Variants in ARHGAP12 observed in about 807,000 individuals in gnomAD.
The protein encoded by ARHGAP12 is rho GTPase-activating protein 12.
ARHGAP12 carries 64 observed loss-of-function variants against 108.6 expected under a neutral mutation model. The observed-to-expected ratio is 0.59, with a 90% CI of 0.48 to 0.73. ARHGAP12 has a LOEUF of 0.73. ARHGAP12 is among the 30% of genes least tolerant of loss of function. The probability of loss-of-function intolerance (pLI) is 0.00; values close to 1 mark genes in which losing one functional copy is unlikely to be tolerated. For synonymous variants in ARHGAP12, 312 were observed against 337.2 expected (o/e 0.93, Z 0.82); for missense variants, 940 against 1,005.9 (o/e 0.93, Z 0.89).
chr10:31,892,757 T>C (rs1056418067), intron 3 of ARHGAP12, among the ~76,000 whole-genome samples: 3 of 152,226 alleles, frequency 2.0e-5, no homozygotes, highest in Non-Finnish European at 2.9e-5. Context: ...GCAGATCTAA[T>C]AGACATCTAC....
chr10:31,910,228 T>C (rs1839289112), intron 2 of ARHGAP12, among the ~76,000 whole-genome samples: 2 of 152,168 alleles, frequency 1.3e-5, no homozygotes, highest in South Asian at 4.1e-4. Flanking sequence ...TTCAACCCAA[T>C]GCTCAAGGAT....
intron 3 of ARHGAP12, among the ~76,000 whole-genome samples, chr10:31,902,130 G>A (rs192550447): frequency 1.4e-4 from 21 of 152,100 alleles, no homozygotes; most frequent in Admixed American, 8.5e-4. Context: ...ATCTGATTTC[G>A]ATACTTATTG....
At chr10:31,915,541 G>T (rs1336526935) in intron 1 of ARHGAP12, among the ~76,000 whole-genome samples, 13 of 152,172 alleles carry the variant, frequency 8.5e-5, no homozygotes, top group Non-Finnish European at 2.9e-5. Flanking sequence ...GGTGACTACA[G>T]TAAATGACAA....
intron 1 of ARHGAP12, among the ~76,000 whole-genome samples, chr10:31,921,780 A>G (rs906612106): frequency 1.3e-5 from 2 of 150,114 alleles, no homozygotes; most frequent in African/African-American, 4.9e-5. Flanking sequence ...AAAAAAAAAA[A>G]AAAAAAAAAA....
At chr10:31,841,709 T>C (rs1836275994) in intron 7 of ARHGAP12, among the ~76,000 whole-genome samples, 1 of 152,162 alleles carries the variant, frequency 6.6e-6, no homozygotes, top group Non-Finnish European at 1.5e-5. Flanking sequence ...TTTCACCTTG[T>C]GGTATTTTCA....
intron 3 of ARHGAP12, among the ~76,000 whole-genome samples, chr10:31,879,230 A>T (rs746497571): frequency 1.3e-5 from 2 of 152,020 alleles, no homozygotes; most frequent in South Asian, 4.1e-4. Context: ...GGGCAACATG[A>T]TGAAACCCCA....
intron 3 of ARHGAP12, among the ~76,000 whole-genome samples, chr10:31,886,868 A>T (rs1287355543): frequency 6.6e-6 from 1 of 152,232 alleles, no homozygotes; most frequent in Non-Finnish European, 1.5e-5. Flanking sequence ...CACGAACACA[A>T]GAACTAAGCT....
At chr10:31,852,457 T>C (rs1001920604) in intron 6 of ARHGAP12, 60 bp downstream of exon 6, 18 of 1,247,562 alleles carry the variant, frequency 1.4e-5, no homozygotes, top group South Asian at 8.6e-5. Flanking sequence ...GCTGAAACCA[T>C]CTCCAGATAT....
chr10:31,826,685 A>G (rs945949097), intron 10 of ARHGAP12: 3 of 258,670 alleles, frequency 1.2e-5, no homozygotes, highest in East Asian at 7.1e-5. Context: ...TTGTGATCAA[A>G]GACACTAATT....
intron 6 of ARHGAP12, among the ~76,000 whole-genome samples, chr10:31,851,679 T>A (rs1419673237): frequency 6.6e-6 from 1 of 152,236 alleles, no homozygotes; most frequent in Non-Finnish European, 1.5e-5. Context: ...AAAGCACTAT[T>A]AACATTAGTT....
In ARHGAP12 at chr10:31,826,496, T is replaced by C. The variant is rs1017111846; in HGVS notation, c.1449-111A>G. ...TCAATGTTATCTACAATTTACAGCC[T>C]TGTTGACATTTTAATTGTTTTTATT... On this transcript the variant is annotated intron_variant, in intron 10 of 19. Transcript: ENST00000344936. 4.2e-5 allele frequency: 32 copies of C among 759,144 alleles called. No individual in the cohort carries two copies. In the African/African-American group the frequency reaches 5.4e-4, roughly 13 times the overall value. The allele number at this position is 759,144 out of a possible 1,614,324, so 47.0% of individuals were successfully genotyped here. A position where few individuals can be genotyped will look rare whatever the true frequency, so the allele number is the denominator to read the frequency against.
intron 14 of ARHGAP12, 108 bp downstream of exon 14, chr10:31,814,151 T>C (rs1835116589): frequency 1.2e-6 from 1 of 863,762 alleles, no homozygotes; most frequent in Non-Finnish European, 1.9e-6. Flanking sequence ...GCACAGCCCT[T>C]TTGTAACATT....
rs994193938 is a variant in ARHGAP12, at chr10:31,814,463, C to A, written c.1732-102G>T. 15 of 950,346 alleles carry A rather than the reference C, an allele frequency of 1.6e-5. No individual in the cohort carries two copies. The African/African-American group carries it at 2.0e-4, about 13-fold the overall frequency. 58.9% of individuals were successfully genotyped at this position (950,346 alleles called of 1,614,324 possible). A position where few individuals can be genotyped will look rare whatever the true frequency, so the allele number is the denominator to read the frequency against. ...GACTATTGTAAATGACTCTTCCAAA[C>A]AATTTTAGGAAACCAATTAGTATAC... On this transcript the variant is annotated intron_variant, in intron 13 of 19. Coordinates refer to ENST00000344936, the MANE Select transcript of ARHGAP12 (RefSeq NM_018287.7).
intron 1 of ARHGAP12, among the ~76,000 whole-genome samples, chr10:31,915,817 T>C (rs1024583958): frequency 2.7e-4 from 41 of 152,128 alleles, no homozygotes; most frequent in African/African-American, 9.4e-4. Context: ...AAAAATCAGA[T>C]AAATTCTCTG....
chr10:31,918,015 G>A (rs1839633913), intron 1 of ARHGAP12, among the ~76,000 whole-genome samples: 2 of 151,690 alleles, frequency 1.3e-5, no homozygotes, highest in South Asian at 4.2e-4. Flanking sequence ...GAGTGCAGTG[G>A]TACCATCATA....
intron 9 of ARHGAP12, among the ~76,000 whole-genome samples, chr10:31,833,164 G>A (rs978063861): frequency 3.3e-5 from 5 of 151,918 alleles, no homozygotes; most frequent in Non-Finnish European, 7.4e-5. Context: ...TTTGCCGCCT[G>A]CACCCCTCAA....
At chr10:31,885,358 T>G (rs2132381612) in intron 3 of ARHGAP12, among the ~76,000 whole-genome samples, 1 of 152,336 alleles carries the variant, frequency 6.6e-6, no homozygotes, top group South Asian at 2.1e-4. Flanking sequence ...ACGTTAAGTA[T>G]CTATCCAGTG....
At chr10:31,926,336 G>GA (rs58907991) in intron 1 of ARHGAP12, among the ~76,000 whole-genome samples, 2,108 of 135,192 alleles carry the variant, frequency 0.016, 50 homozygotes, top group African/African-American at 0.049. Flanking sequence ...GCTAACTGAA[G>GA]AAAAAAAAAA....
At chr10:31,921,023 T>A (rs1839784078) in intron 1 of ARHGAP12, among the ~76,000 whole-genome samples, 1 of 152,140 alleles carries the variant, frequency 6.6e-6, no homozygotes, top group South Asian at 2.1e-4. Context: ...ACGCGTGTAA[T>A]CCCAGCTCTT....
Sources: allele counts gnomAD v4.1 joint callset (sites outside exome capture counted in the v4.1 genomes callset), GRCh38; gene constraint gnomAD v4.1.1; transcripts MANE v1.5; gene names NCBI Gene and HGNC (gene_info 2026-07-23, HGNC 2026-07-21).